NRK: variants seen among roughly 807,000 people sequenced by gnomAD.
NRK encodes the protein nik-related protein kinase.
NRK carries 67 observed loss-of-function variants against 125.2 expected under a neutral mutation model. The observed-to-expected ratio is 0.54, with a 90% CI of 0.44 to 0.66. The LOEUF is 0.66. Ranked by LOEUF, NRK falls within the 30% of genes least tolerant of loss-of-function variation. NRK has a pLI of 0.00. For synonymous variants in NRK, 458 were observed against 429.0 expected (o/e 1.07, Z -0.84); for missense variants, 1,224 against 1,192.9 (o/e 1.03, Z -0.38).
intron 2 of NRK, among the ~76,000 whole-genome samples, chrX:105,848,446 G>T (rs754267017): frequency 5.4e-5 from 6 of 111,840 alleles, no homozygotes; most frequent in African/African-American, 1.9e-4. Flanking sequence ...TAATTAAAAT[G>T]GTGGTAATTC....
chrX:105,854,112 A>G (rs2039504980), intron 2 of NRK, among the ~76,000 whole-genome samples: 1 of 112,074 alleles, frequency 8.9e-6, no homozygotes, highest in African/African-American at 3.2e-5. Flanking sequence ...ATGTTTCTGC[A>G]GAACTTTCAG....
At chrX:105,924,098 A>G (rs767701280) in intron 18 of NRK, among the ~76,000 whole-genome samples, 1 of 109,059 alleles carries the variant, frequency 9.2e-6, no homozygotes, top group Non-Finnish European at 1.9e-5. Context: ...AAAAGAGAGC[A>G]TTGGCACATT....
chrX:105,890,145 C>CATAT (rs2039999066), intron 5 of NRK, among the ~76,000 whole-genome samples: 1 of 111,800 alleles, frequency 8.9e-6, no homozygotes, highest in South Asian at 3.8e-4. Context: ...CAAAGTTCCA[C>CATAT]ATATCTCTAG....
rs928938655 is a variant in NRK, at chrX:105,924,731, T to C, written c.3012T>C (p.Asp1004=). 10 of 1,199,265 alleles carry C rather than the reference T, an allele frequency of 8.3e-6. No homozygotes were observed. The highest frequency in any genetic ancestry group is 1.8e-5 in the African/African-American group (1 of 56,949). ...SYGRDGSCKQ[D]GYDGSRGKEE... The stretch of plus-strand genomic sequence containing the variant: ...GCAGAGATGGAAGCTGCAAGCAAGA[T>C]GGTTATGATGGAAGTCGTGGAAAAG... The change falls in exon 19 of 29, where the codon GAT becomes GAC. Residue 1004 remains aspartate, a synonymous_variant. Transcript: ENST00000243300.
intron 18 of NRK, among the ~76,000 whole-genome samples, chrX:105,924,062 G>A (rs1034980119): frequency 6.5e-5 from 7 of 108,299 alleles, no homozygotes; most frequent in South Asian, 8.0e-4. Flanking sequence ...CCACAGGCAC[G>A]TATGTTTAAT....
At chrX:105,915,708 A>AGT in intron 14 of NRK, 22 bp from the exon 15 acceptor site, 3 of 926,529 alleles carry the variant, frequency 3.2e-6, no homozygotes, top group Non-Finnish European at 4.6e-6. Flanking sequence ...ATTCTACTGA[A>AGT]GTATTGCATT....
chrX:105,920,105 T>C (rs1468802496), intron 16 of NRK, among the ~76,000 whole-genome samples: 7 of 102,678 alleles, frequency 6.8e-5, no homozygotes, highest in African/African-American at 2.6e-4. Flanking sequence ...TTCAGCTTTC[T>C]ACATATGGCT....
At chrX:105,836,590 C>T (rs931921579) in intron 2 of NRK, among the ~76,000 whole-genome samples, 1 of 111,972 alleles carries the variant, frequency 8.9e-6, no homozygotes, top group African/African-American at 3.2e-5. Context: ...TAAATAAACA[C>T]TTAAAAATGT....
chrX:105,851,272 C>G (rs1158393816), intron 2 of NRK, among the ~76,000 whole-genome samples: 1 of 112,232 alleles, frequency 8.9e-6, no homozygotes, highest in Non-Finnish European at 1.9e-5. Flanking sequence ...GGATTGGGAA[C>G]CACTGCTTAG....
chrX:105,898,407 G>A (rs2040112575), intron 7 of NRK, among the ~76,000 whole-genome samples, 177 bp from the exon 8 acceptor site: 1 of 112,073 alleles, frequency 8.9e-6, no homozygotes, highest in African/African-American at 3.2e-5. Flanking sequence ...AAAATAAATA[G>A]CAGGAAAAGC....
chrX:105,914,113 G>A (rs1338305316), intron 14 of NRK, among the ~76,000 whole-genome samples: 1 of 110,227 alleles, frequency 9.1e-6, no homozygotes. Flanking sequence ...TTGCCTTATT[G>A]ATGGTGGGTC....
intron 1 of NRK, among the ~76,000 whole-genome samples, chrX:105,829,064 A>C (rs1437499604): frequency 1.8e-5 from 2 of 111,909 alleles, no homozygotes; most frequent in Non-Finnish European, 3.8e-5. Context: ...TATCTGTAGA[A>C]TTTTAGAGCT....
chrX:105,906,368 C>T lies in NRK; in HGVS notation c.846-46C>T, dbSNP rs147297823. The T allele has an allele frequency of 6.2e-5, 48 of 773,253 alleles. No individual in the cohort carries two copies. In the East Asian group the frequency reaches 1.7e-3, roughly 27 times the overall value. The allele number at this position is 773,253 out of a possible 1,213,427, so 63.7% of individuals were successfully genotyped here. On this transcript the variant is annotated intron_variant, in intron 10 of 28. Transcript: ENST00000243300. Reference sequence around the variant, plus strand: ...TGGGTGGTGGTGGGAAGAGGTCTGACAGGACTGAGAACACTTTTTTTTCCT... The same window carrying T: ...TGGGTGGTGGTGGGAAGAGGTCTGATAGGACTGAGAACACTTTTTTTTCCT...
intron 22 of NRK, 133 bp from the exon 23 acceptor site, chrX:105,939,741 A>G (rs2040712285): frequency 1.2e-5 from 5 of 409,584 alleles, no homozygotes; most frequent in Middle Eastern, 1.3e-3. Context: ...TTCTGATGCA[A>G]TGCAGTTTTT....
chrX:105,882,612 G>T (rs2039897446), intron 4 of NRK, among the ~76,000 whole-genome samples: 1 of 111,094 alleles, frequency 9.0e-6, no homozygotes. Context: ...CTAGCATTTT[G>T]TGACTTAGTA....
At chrX:105,947,784 T>C (rs2040836052) in intron 26 of NRK, among the ~76,000 whole-genome samples, 1 of 112,375 alleles carries the variant, frequency 8.9e-6, no homozygotes, top group Admixed American at 9.4e-5. Context: ...TACAGTTGTG[T>C]GATATTTTGA....
At chrX:105,895,206 G>C in intron 6 of NRK, 1 of 507,881 alleles carries the variant, frequency 2.0e-6, no homozygotes, top group Non-Finnish European at 3.5e-6. Flanking sequence ...TTTTTTTCGT[G>C]GGTGTCCTGA....
chrX:105,829,747 C>G (rs1293681675), intron 1 of NRK, among the ~76,000 whole-genome samples: 2 of 111,482 alleles, frequency 1.8e-5, no homozygotes, highest in Non-Finnish European at 3.8e-5. Context: ...TCACTTTGTG[C>G]CATGAACAGG....
At chrX:105,923,891 CTATATATATATATA>C (rs1204761152) in intron 18 of NRK, among the ~76,000 whole-genome samples, 12 of 47,855 alleles carry the variant, frequency 2.5e-4, no homozygotes, top group South Asian at 2.8e-3. Context: ...TGTGATATCA[CTATATATATATATA>C]TATATATATA....
Sources: allele counts gnomAD v4.1 joint callset (sites outside exome capture counted in the v4.1 genomes callset), GRCh38; gene constraint gnomAD v4.1.1; transcripts MANE v1.5; gene names NCBI Gene and HGNC (gene_info 2026-07-23, HGNC 2026-07-21).